Variants in PALM2AKAP2 observed in about 807,000 individuals in gnomAD.
PALM2AKAP2 encodes the protein PALM2-AKAP2 fusion protein.
A neutral mutation model predicts 71.5 loss-of-function variants in PALM2AKAP2; 37 were observed. The ratio of observed to expected loss-of-function variants is 0.52; its 90% CI spans 0.40 to 0.68. The LOEUF (loss-of-function observed/expected upper bound fraction) is 0.68, where lower values mean the gene tolerates loss of function less well. Ranked by LOEUF, PALM2AKAP2 falls within the 30% of genes least tolerant of loss-of-function variation. The pLI is 0.00. For synonymous variants in PALM2AKAP2, 468 were observed against 478.8 expected, an observed-to-expected ratio of 0.98 and a Z score of 0.29; for missense variants, 1,224 against 1,191.8, an observed-to-expected ratio of 1.03 and a Z score of -0.40.
rs1039307729 is a variant in PALM2AKAP2, at chr9:109,814,210, C to A, written c.45+33677C>A. Among the ~76,000 whole-genome samples, 4 of 152,236 alleles carry A rather than the reference C, an allele frequency of 2.6e-5. No individual in the cohort carries two copies. The East Asian group carries it at 7.7e-4, about 29-fold the overall frequency. ...CACAAAAGAAGGCACATAGTGCACACTTGTACCATCATCTAACGTCTGCAT... is the reference window on the plus strand; with the variant it reads ...CACAAAAGAAGGCACATAGTGCACAATTGTACCATCATCTAACGTCTGCAT... On this transcript the variant is annotated intron_variant, in intron 1 of 9. Coordinates refer to the PALM2AKAP2 transcript ENST00000302798.
intron 6 of PALM2AKAP2, among the ~76,000 whole-genome samples, chr9:110,005,272 G>T (rs1832756266): frequency 6.6e-6 from 1 of 152,216 alleles, no homozygotes; most frequent in South Asian, 2.1e-4. Flanking sequence ...CAGGTCTGTT[G>T]GAGTTTGGTG....
At chr9:109,878,048 G>T (rs1034402569) in intron 2 of PALM2AKAP2, among the ~76,000 whole-genome samples, 2 of 152,178 alleles carry the variant, frequency 1.3e-5, no homozygotes, top group Non-Finnish European at 2.9e-5. Flanking sequence ...ATTTTGAGAG[G>T]TTTTTGTGGA....
intron 1 of PALM2AKAP2, among the ~76,000 whole-genome samples, chr9:110,074,505 G>GTTAA (rs1834276480): frequency 6.6e-6 from 1 of 152,132 alleles, no homozygotes; most frequent in Non-Finnish European, 1.5e-5. Context: ...TTCCATCAAT[G>GTTAA]TTAATTACAA....
chr9:110,070,587 G>A (rs1181957249), intron 1 of PALM2AKAP2, among the ~76,000 whole-genome samples: 1 of 152,126 alleles, frequency 6.6e-6, no homozygotes, highest in Non-Finnish European at 1.5e-5. Context: ...TGATAAGCTG[G>A]GTATTGGCAG....
intron 6 of PALM2AKAP2, among the ~76,000 whole-genome samples, chr9:110,005,793 G>A (rs991619805): frequency 6.6e-6 from 1 of 152,240 alleles, no homozygotes; most frequent in Non-Finnish European, 1.5e-5. Context: ...CTAGCAATGA[G>A]CGAGGCTCTG....
At chr9:110,160,448 C>T (rs1271098703) in intron 3 of PALM2AKAP2, among the ~76,000 whole-genome samples, 5 of 152,162 alleles carry the variant, frequency 3.3e-5, no homozygotes, top group South Asian at 2.1e-4. Flanking sequence ...CCTTGCAAAG[C>T]GACTGCCTCC....
At chr9:109,885,563 AC>A (rs1266193039) in intron 3 of PALM2AKAP2, among the ~76,000 whole-genome samples, 24 of 152,138 alleles carry the variant, frequency 1.6e-4, no homozygotes, top group Non-Finnish European at 2.9e-4. Context: ...ATACCTAGAA[AC>A]CCCCCAAGGA....
intron 1 of PALM2AKAP2, among the ~76,000 whole-genome samples, chr9:109,862,385 C>T (rs954794514): frequency 6.6e-6 from 1 of 152,130 alleles, no homozygotes; most frequent in Non-Finnish European, 1.5e-5. Context: ...TCAACTCTGC[C>T]TCCCTCTGCA....
rs556371879 is a variant in PALM2AKAP2, at chr9:109,989,826, C to A, written c.497-26128C>A. ...TTGTCATAGATGGCTGCCCCCTCCA[C>A]CATTCGCCACGTGGGCATGTAGGTC... On this transcript the variant is annotated intron_variant, in intron 6 of 9. Transcript: ENST00000302798. 3.4e-4 allele frequency among the ~76,000 whole-genome samples: 52 copies of A among 152,338 alleles called. 1 individual carries two copies. The South Asian group carries it at 7.2e-3, about 21-fold the overall frequency.
intron 1 of PALM2AKAP2, among the ~76,000 whole-genome samples, chr9:109,771,389 G>T (rs969762796): frequency 6.6e-6 from 1 of 152,164 alleles, no homozygotes; most frequent in East Asian, 1.9e-4. Context: ...GGAATGGGAC[G>T]AACAGATGAA....
chr9:109,743,741 C>T (rs736502), intron 1 of PALM2AKAP2, among the ~76,000 whole-genome samples: 39,844 of 152,026 alleles, frequency 0.26, 5,445 homozygotes, highest in East Asian at 0.37. Flanking sequence ...TTGTGTGCAA[C>T]GTCTTAATAC....
intron 1 of PALM2AKAP2, among the ~76,000 whole-genome samples, chr9:109,689,348 G>A (rs187555874): frequency 3.3e-5 from 5 of 151,774 alleles, no homozygotes; most frequent in South Asian, 2.1e-4. Flanking sequence ...GATTACAGGC[G>A]CCCACCATGC....
At position 109,853,735 on chromosome 9, in the gene PALM2AKAP2, A is replaced by ATTC. The variant is rs571903573; in HGVS notation, c.46-13754_46-13752dup. ...GACTGCCAAATTATCCTCTAGAAAG[A>ATTC]TTCTACCACCACCAGCAGGGAATAA... On this transcript the variant is annotated intron_variant, in intron 1 of 9. Transcript: ENST00000302798. Among the ~76,000 whole-genome samples, 12 of 152,362 alleles carry ATTC rather than the reference A, an allele frequency of 7.9e-5. No individual in the cohort carries two copies. The South Asian group carries it at 1.9e-3, about 24-fold the overall frequency.
At chr9:110,125,531 C>T (rs768823931) in intron 1 of PALM2AKAP2, 41 of 985,524 alleles carry the variant, frequency 4.2e-5, no homozygotes, top group East Asian at 2.3e-4. Context: ...CCAGGGTGCA[C>T]GCAGGAATCT....
chr9:109,896,055 G>C (rs773457290), intron 3 of PALM2AKAP2, among the ~76,000 whole-genome samples: 1 of 152,042 alleles, frequency 6.6e-6, no homozygotes, highest in Non-Finnish European at 1.5e-5. Context: ...CATGGTGGCA[G>C]GCACCTGTAA....
At chr9:110,014,966 T>C (rs1274501440) in intron 6 of PALM2AKAP2, among the ~76,000 whole-genome samples, 1 of 150,920 alleles carries the variant, frequency 6.6e-6, no homozygotes, top group Non-Finnish European at 1.5e-5. Context: ...CTATATTGTG[T>C]TTAAAGATAT....
chr9:109,966,086 A>G (rs1831942521), intron 6 of PALM2AKAP2, among the ~76,000 whole-genome samples: 2 of 152,192 alleles, frequency 1.3e-5, no homozygotes, highest in South Asian at 4.1e-4. Context: ...AGGGACTTGG[A>G]GTCCAAGTTG....
At chr9:110,014,851 T>TATATAC (rs1564260745) in intron 6 of PALM2AKAP2, among the ~76,000 whole-genome samples, 3 of 89,534 alleles carry the variant, frequency 3.4e-5, no homozygotes, top group African/African-American at 8.4e-5. Context: ...TATATATATA[T>TATATAC]ACACACACAC....
intron 1 of PALM2AKAP2, among the ~76,000 whole-genome samples, chr9:109,816,394 A>G (rs997273905): frequency 6.6e-6 from 1 of 152,210 alleles, no homozygotes; most frequent in African/African-American, 2.4e-5. Flanking sequence ...CTGGGATAAG[A>G]TAGAGGAAGC....
Sources: gnomAD v4.1 joint callset for allele counts (sites outside exome capture counted in the v4.1 genomes callset) on GRCh38, gnomAD v4.1.1 for gene constraint, MANE v1.5 for transcripts, NCBI Gene and HGNC (gene_info 2026-07-23, HGNC 2026-07-21) for gene names.